The following ARID4A variants were observed in gnomAD, a reference collection of about 807,000 sequenced individuals.
ARID4A encodes the protein AT-rich interaction domain 4A, also known as AT-rich interactive domain-containing protein 4A.
ARID4A carries 39 observed loss-of-function variants against 148.6 expected under a neutral mutation model. That is an observed-to-expected ratio of 0.26 (90% CI 0.20 to 0.34). ARID4A has a LOEUF of 0.34. ARID4A is among the 10% of genes least tolerant of loss of function. ARID4A has a pLI of 1.00. For synonymous variants in ARID4A, 475 were observed against 481.2 expected (o/e 0.99, Z 0.17); for missense variants, 1,265 against 1,449.1 (o/e 0.87, Z 2.06).
intron 1 of ARID4A, chr14:58,299,293 C>T (rs993909318): frequency 3.9e-5 from 6 of 152,396 alleles, no homozygotes; most frequent in South Asian, 4.1e-4. Context: ...AGCGCTTCTC[C>T]TTTCTGACAT....
In ARID4A at chr14:58,326,653, T is replaced by G. The variant is rs888924542; in HGVS notation, c.583-1584T>G. The stretch of plus-strand genomic sequence containing the variant: ...AGTGTTGTTATTTGAGCTACATGTT[T>G]AGGAACGTGAATGAAGAATGGCGTG... On this transcript the variant is annotated intron_variant, in intron 8 of 23. Coordinates refer to ENST00000355431, the MANE Select transcript of ARID4A (RefSeq NM_002892.4). Among the ~76,000 whole-genome samples, 66 of 152,200 alleles carry G rather than the reference T, an allele frequency of 4.3e-4. 1 individual carries two copies. Among genetic ancestry groups the G allele is most frequent in the South Asian group, 6.2e-4 (3 of 4,832 alleles).
chr14:58,299,356 A>G (rs1171778493), intron 1 of ARID4A: 1 of 155,784 alleles, frequency 6.4e-6, no homozygotes, highest in Non-Finnish European at 1.4e-5. Context: ...CGCTGCCGCC[A>G]CCGCGGGCCC....
chr14:58,348,841 T>A (rs1021580668), intron 15 of ARID4A, among the ~76,000 whole-genome samples: 13 of 152,306 alleles, frequency 8.5e-5, no homozygotes, highest in Non-Finnish European at 1.3e-4. Flanking sequence ...TAATTTTTTT[T>A]AAAATTGTGG....
chr14:58,322,979 AAAT>A (rs1047315348), intron 7 of ARID4A, among the ~76,000 whole-genome samples: 6 of 142,270 alleles, frequency 4.2e-5, no homozygotes, highest in Admixed American at 1.4e-4. Flanking sequence ...AAAAAAAAAA[AAAT>A]ATATATATAT....
chr14:58,317,406 T>A (rs1246450994), intron 5 of ARID4A, among the ~76,000 whole-genome samples: 1 of 148,208 alleles, frequency 6.7e-6, no homozygotes, highest in Non-Finnish European at 1.5e-5. Context: ...CGCCTCAGCC[T>A]CCCGAGTAGC....
intron 11 of ARID4A, among the ~76,000 whole-genome samples, chr14:58,331,995 A>T (rs1181779808): frequency 1.1e-3 from 96 of 85,142 alleles, no homozygotes; most frequent in Non-Finnish European, 1.5e-3. Flanking sequence ...CATTTTCCCT[A>T]CCCCCCCCCC....
chr14:58,356,434 G>A (rs1290433460), intron 17 of ARID4A, among the ~76,000 whole-genome samples: 1 of 152,138 alleles, frequency 6.6e-6, no homozygotes, highest in African/African-American at 2.4e-5. Flanking sequence ...CTGATACAGT[G>A]CATACTAGTA....
intron 14 of ARID4A, 111 bp from the exon 15 acceptor site, chr14:58,347,534 CAA>C: frequency 1.3e-6 from 1 of 797,566 alleles, no homozygotes; most frequent in Non-Finnish European, 1.9e-6. Flanking sequence ...AAAAGAGTAA[CAA>C]AAATTTTTTT....
intron 3 of ARID4A, among the ~76,000 whole-genome samples, chr14:58,303,194 C>G (rs2031328151): frequency 6.6e-6 from 1 of 152,092 alleles, no homozygotes; most frequent in Non-Finnish European, 1.5e-5. Context: ...TTTACATATT[C>G]ATGGGCTACA....
intron 3 of ARID4A, chr14:58,303,578 A>G (rs1435299119): frequency 4.2e-6 from 2 of 470,796 alleles, no homozygotes; most frequent in South Asian, 3.1e-5. Flanking sequence ...GACTTGTTCT[A>G]TGCCCAACAC....
chr14:58,358,484 A>T (rs1446021935), intron 17 of ARID4A, among the ~76,000 whole-genome samples: 1 of 152,274 alleles, frequency 6.6e-6, no homozygotes, highest in Non-Finnish European at 1.5e-5. Flanking sequence ...TAAAAATAAA[A>T]TTTAAAATAA....
intron 9 of ARID4A, among the ~76,000 whole-genome samples, chr14:58,329,009 A>G (rs2033372526): frequency 6.6e-6 from 1 of 151,352 alleles, no homozygotes; most frequent in Non-Finnish European, 1.5e-5. Context: ...AAAAAAATCC[A>G]GACTTACAGA....
chr14:58,364,020 A>C (rs754110023), intron 19 of ARID4A, 150 bp from the exon 20 acceptor site: 6 of 372,436 alleles, frequency 1.6e-5, no homozygotes, highest in Admixed American at 4.9e-5. Flanking sequence ...CACAAATGTT[A>C]TGATTTGTTT....
chr14:58,327,324 C>A (rs955987293), intron 8 of ARID4A, among the ~76,000 whole-genome samples: 5 of 152,024 alleles, frequency 3.3e-5, no homozygotes, highest in African/African-American at 9.7e-5. Context: ...AGAGCATGAA[C>A]AGATATATTT....
At chr14:58,359,258 T>G (rs919775535) in intron 18 of ARID4A, 42 bp downstream of exon 18, 9 of 1,516,788 alleles carry the variant, frequency 5.9e-6, no homozygotes, top group African/African-American at 1.4e-5. Context: ...TGTATAGGAA[T>G]TATCCAAATT....
intron 17 of ARID4A, among the ~76,000 whole-genome samples, chr14:58,354,613 T>C (rs138143174): frequency 6.6e-6 from 1 of 151,340 alleles, no homozygotes; most frequent in African/African-American, 2.4e-5. Context: ...AGCCCAGGAG[T>C]TGGAGGCTGA....
At chr14:58,334,101 G>A (rs1345798855) in intron 11 of ARID4A, among the ~76,000 whole-genome samples, 2 of 151,754 alleles carry the variant, frequency 1.3e-5, no homozygotes, top group Non-Finnish European at 2.9e-5. Flanking sequence ...ACCCAGTTAG[G>A]GTCATCTAAT....
intron 15 of ARID4A, among the ~76,000 whole-genome samples, chr14:58,349,562 C>G (rs1187757697): frequency 3.3e-5 from 5 of 151,956 alleles, no homozygotes; most frequent in Admixed American, 6.6e-5. Flanking sequence ...ATATATAAGC[C>G]AGGCTTCTAA....
intron 19 of ARID4A, among the ~76,000 whole-genome samples, chr14:58,363,266 TA>T (rs1318962271): frequency 6.6e-6 from 1 of 152,234 alleles, no homozygotes; most frequent in East Asian, 1.9e-4. Flanking sequence ...ACAATATTTT[TA>T]TATTTTTTAG....
Sources: gnomAD v4.1 joint callset for allele counts (sites outside exome capture counted in the v4.1 genomes callset) on GRCh38, gnomAD v4.1.1 for gene constraint, MANE v1.5 for transcripts, NCBI Gene and HGNC (gene_info 2026-07-23, HGNC 2026-07-21) for gene names.